Variants in TMEM150C observed in about 807,000 individuals in gnomAD.
The protein encoded by TMEM150C is tentonin 3.
TMEM150C carries 10 observed loss-of-function variants against 29.9 expected under a neutral mutation model. The observed-to-expected ratio is 0.33, with a 90% CI of 0.21 to 0.57. The LOEUF is 0.57. Among genes scored for constraint, TMEM150C ranks in the 20% least tolerant of loss-of-function variants. The pLI is 0.88. For synonymous variants in TMEM150C, 101 were observed against 112.5 expected (o/e 0.90, Z 0.64); for missense variants, 251 against 303.6 (o/e 0.83, Z 1.29).
chr4:82,504,475 AC>A (rs1723836307), intron 2 of TMEM150C, 102 bp downstream of exon 2: 2 of 821,124 alleles, frequency 2.4e-6, no homozygotes, highest in Non-Finnish European at 3.9e-6. Flanking sequence ...TGCTGAGATT[AC>A]AGGCATGAGC....
chr4:82,490,258 T>C lies in TMEM150C; in HGVS notation c.364-20A>G, dbSNP rs931594203. On this transcript the variant is annotated intron_variant, in intron 6 of 7. Transcript: ENST00000449862. The stretch of plus-strand genomic sequence containing the variant: ...TGTGAGCTTAGGGATGAATGGATAA[T>C]GACACATGAAGGCCCATTCAGCAAA... The C allele has an allele frequency of 6.8e-6, 11 of 1,611,834 alleles. No individual in the cohort carries two copies. In the African/African-American group the frequency reaches 1.3e-4, roughly 20 times the overall value.
At chr4:82,525,412 T>C (rs1033814178) in intron 1 of TMEM150C, among the ~76,000 whole-genome samples, 1 of 152,180 alleles carries the variant, frequency 6.6e-6, no homozygotes, top group Non-Finnish European at 1.5e-5. Flanking sequence ...TCTTCTCCAC[T>C]TCAAGTGGCT....
At chr4:82,529,681 C>T (rs559791733) in intron 1 of TMEM150C, among the ~76,000 whole-genome samples, 1 of 152,164 alleles carries the variant, frequency 6.6e-6, no homozygotes, top group East Asian at 1.9e-4. Context: ...GCTAGTGAGT[C>T]GATCAGTGAT....
intron 1 of TMEM150C, among the ~76,000 whole-genome samples, chr4:82,543,323 T>C (rs766780881): frequency 1.3e-5 from 2 of 152,202 alleles, no homozygotes; most frequent in Non-Finnish European, 2.9e-5. Flanking sequence ...TTCAACCACA[T>C]ACAGTTTAGA....
rs869112887 is a variant in TMEM150C, at chr4:82,507,727, C to CTTTTTTTTTTTTTTTTTTTTTT, written c.-10-3082_-10-3061dup. Among the ~76,000 whole-genome samples, 6 of 20,584 alleles carry CTTTTTTTTTTTTTTTTTTTTTT rather than the reference C, an allele frequency of 2.9e-4. 1 individual carries two copies. Among genetic ancestry groups the CTTTTTTTTTTTTTTTTTTTTTT allele is most frequent in the African/African-American group, 9.3e-4 (3 of 3,230 alleles). The allele number at this position is 20,584 out of a possible 152,430, so 13.5% of individuals were successfully genotyped here. ...TTAAATTAACTCTCTCTCTCTCTCT[C>CTTTTTTTTTTTTTTTTTTTTTT]TTTTTTTTTTTTTTTTTTTTTTTTT... On this transcript the variant is annotated intron_variant, in intron 1 of 7. Coordinates refer to ENST00000449862, the MANE Select transcript of TMEM150C (RefSeq NM_001080506.3).
chr4:82,540,327 G>A (rs1179664496), intron 1 of TMEM150C, among the ~76,000 whole-genome samples: 1 of 151,060 alleles, frequency 6.6e-6, no homozygotes, highest in Non-Finnish European at 1.5e-5. Flanking sequence ...GCCCAGGCTG[G>A]TCTCAAACTC....
chr4:82,538,703 T>G (rs1439615102), intron 1 of TMEM150C, among the ~76,000 whole-genome samples: 1 of 152,160 alleles, frequency 6.6e-6, no homozygotes, highest in Non-Finnish European at 1.5e-5. Context: ...TTTACAGTTG[T>G]TATTATCAAC....
chr4:82,534,221 G>T (rs1025216262), intron 1 of TMEM150C, among the ~76,000 whole-genome samples: 4 of 152,190 alleles, frequency 2.6e-5, no homozygotes, highest in Admixed American at 2.6e-4. Context: ...AATGTGAACA[G>T]CTAGAAATAA....
intron 6 of TMEM150C, among the ~76,000 whole-genome samples, chr4:82,493,924 A>T (rs1723454650): frequency 1.3e-5 from 2 of 152,216 alleles, no homozygotes; most frequent in South Asian, 4.1e-4. Context: ...TTGCCCATTT[A>T]TAACTCACCA....
chr4:82,551,362 G>T (rs1725571567), intron 1 of TMEM150C, among the ~76,000 whole-genome samples: 1 of 152,104 alleles, frequency 6.6e-6, no homozygotes, highest in Non-Finnish European at 1.5e-5. Context: ...TGTCCATTTT[G>T]TTCAGTGCTC....
intron 1 of TMEM150C, among the ~76,000 whole-genome samples, chr4:82,556,211 C>T (rs1168382294): frequency 6.6e-6 from 1 of 152,106 alleles, no homozygotes; most frequent in Non-Finnish European, 1.5e-5. Flanking sequence ...CTCCTGACCT[C>T]GAGTGATCCA....
chr4:82,494,803 TGTGAG>T, intron 6 of TMEM150C: 7 of 302,812 alleles, frequency 2.3e-5, no homozygotes, highest in South Asian at 1.1e-4. Context: ...TTTTTTTTTT[TGTGAG>T]TCTGATCTTA....
intron 1 of TMEM150C, among the ~76,000 whole-genome samples, chr4:82,538,763 A>T (rs1008799213): frequency 6.6e-6 from 1 of 152,182 alleles, no homozygotes; most frequent in Non-Finnish European, 1.5e-5. Flanking sequence ...AAAAGATGTT[A>T]AAAAGACATT....
chr4:82,529,654 G>C (rs1001167407), intron 1 of TMEM150C, among the ~76,000 whole-genome samples: 4 of 152,192 alleles, frequency 2.6e-5, no homozygotes, highest in African/African-American at 9.7e-5. Context: ...GAGGGCTGGA[G>C]AGAGGTCAAG....
chr4:82,535,919 G>GTA (rs1305945452), intron 1 of TMEM150C, among the ~76,000 whole-genome samples: 1 of 152,106 alleles, frequency 6.6e-6, no homozygotes, highest in East Asian at 1.9e-4. Context: ...CACGTTAGAT[G>GTA]TATGTAGCAC....
chr4:82,507,360 G>A (rs1340903054), intron 1 of TMEM150C, among the ~76,000 whole-genome samples: 3 of 152,154 alleles, frequency 2.0e-5, no homozygotes, highest in East Asian at 1.9e-4. Flanking sequence ...TTTTCAAGCA[G>A]GGAGGTAGAG....
chr4:82,540,218 C>T (rs973154306), intron 1 of TMEM150C, among the ~76,000 whole-genome samples: 4 of 138,654 alleles, frequency 2.9e-5, no homozygotes, highest in African/African-American at 7.9e-5. Context: ...TCAAGTGATC[C>T]TCCCATTTCA....
In TMEM150C at chr4:82,556,144, A is replaced by C. The variant is rs536260849; in HGVS notation, c.-11+5762T>G. Among the ~76,000 whole-genome samples, 83 of 151,388 alleles carry C rather than the reference A, an allele frequency of 5.5e-4. 1 individual carries two copies. Among genetic ancestry groups the C allele is most frequent in the Non-Finnish European group, 1.0e-3 (69 of 67,838 alleles). ...CAGGCACACATCACCACACCCGGCT[A>C]ATTTTGTATTTTTAGTAGAGACGGG... On this transcript the variant is annotated intron_variant, in intron 1 of 7. Transcript: ENST00000449862.
intron 1 of TMEM150C, among the ~76,000 whole-genome samples, chr4:82,548,992 G>T (rs1358444936): frequency 6.6e-6 from 1 of 152,172 alleles, no homozygotes; most frequent in Non-Finnish European, 1.5e-5. Context: ...TGCAGCCAAT[G>T]ATTTGGCTTT....
Sources: allele counts gnomAD v4.1 joint callset (sites outside exome capture counted in the v4.1 genomes callset), GRCh38; gene constraint gnomAD v4.1.1; transcripts MANE v1.5; gene names NCBI Gene and HGNC (gene_info 2026-07-23, HGNC 2026-07-21).